The following TANGO6 variants were observed in gnomAD, a reference collection of about 807,000 sequenced individuals.
TANGO6 encodes the protein transport and Golgi organization protein 6 homolog.
Under a neutral mutation model 114.2 loss-of-function variants are expected in TANGO6, and 90 were observed. That is an observed-to-expected ratio of 0.79 (90% confidence interval 0.66 to 0.94). The LOEUF (loss-of-function observed/expected upper bound fraction) is 0.94, where lower values mean the gene tolerates loss of function less well. TANGO6 is among the 40% of genes least tolerant of loss of function. TANGO6 has a pLI of 0.00. For synonymous variants in TANGO6, 477 were observed against 509.8 expected (o/e 0.94, Z 0.87); for missense variants, 1,274 against 1,315.3 (o/e 0.97, Z 0.49).
chr16:68,877,681 C>T (rs1407359678), intron 5 of TANGO6, among the ~76,000 whole-genome samples: 1 of 151,774 alleles, frequency 6.6e-6, no homozygotes, highest in Non-Finnish European at 1.5e-5. Context: ...GATCTCCGCT[C>T]ACTGCAAGCT....
chr16:69,082,837 G>A (rs955968812), intron 17 of TANGO6, among the ~76,000 whole-genome samples: 5 of 152,084 alleles, frequency 3.3e-5, no homozygotes, highest in Non-Finnish European at 7.4e-5. Flanking sequence ...GGAAAATGCT[G>A]GTAATCATTT....
intron 17 of TANGO6, among the ~76,000 whole-genome samples, chr16:69,069,804 C>G (rs1405343690): frequency 6.6e-6 from 1 of 152,080 alleles, no homozygotes; most frequent in Non-Finnish European, 1.5e-5. Context: ...ACAACTGTTA[C>G]AAGGAAAGGG....
chr16:68,982,630 C>CCTTTTTTTT (rs1963848277), intron 15 of TANGO6, among the ~76,000 whole-genome samples: 1 of 105,338 alleles, frequency 9.5e-6, no homozygotes, highest in African/African-American at 4.7e-5. Context: ...ATGCCCTGGC[C>CCTTTTTTTT]TTTTTTTTTT....
intron 4 of TANGO6, among the ~76,000 whole-genome samples, chr16:68,872,078 A>C (rs1432092038): frequency 6.6e-6 from 1 of 151,812 alleles, no homozygotes; most frequent in Non-Finnish European, 1.5e-5. Flanking sequence ...AAAAATACAA[A>C]AAATTAGTGG....
intron 14 of TANGO6, among the ~76,000 whole-genome samples, chr16:68,970,730 A>C (rs1470534373): frequency 1.3e-5 from 2 of 152,096 alleles, no homozygotes; most frequent in Non-Finnish European, 2.9e-5. Flanking sequence ...AATAGGTTTC[A>C]GAAAAGCTAG....
At chr16:68,867,978 C>CA (rs5817656) in intron 4 of TANGO6, 19,948 of 112,040 alleles carry the variant, frequency 0.18, 1,471 homozygotes, top group African/African-American at 0.21. Flanking sequence ...TCTGTTTCTA[C>CA]AAAAAAAAAA....
intron 17 of TANGO6, among the ~76,000 whole-genome samples, chr16:69,059,165 C>T (rs1317100877): frequency 6.6e-6 from 1 of 151,674 alleles, no homozygotes; most frequent in African/African-American, 2.4e-5. Flanking sequence ...ACCTCTGCCT[C>T]CCGGGTTCAA....
chr16:68,868,848 T>C (rs996428166), intron 4 of TANGO6, among the ~76,000 whole-genome samples: 3 of 152,166 alleles, frequency 2.0e-5, no homozygotes, highest in African/African-American at 4.8e-5. Flanking sequence ...GTTTCAGGCA[T>C]CATGTATCTA....
At chr16:69,006,125 C>A (rs1168239442) in intron 15 of TANGO6, among the ~76,000 whole-genome samples, 1 of 152,110 alleles carries the variant, frequency 6.6e-6, no homozygotes, top group East Asian at 1.9e-4. Context: ...AGTGGGAAAG[C>A]CCTGGGTTCT....
chr16:69,021,596 C>A (rs1959407232), intron 15 of TANGO6, among the ~76,000 whole-genome samples: 1 of 152,176 alleles, frequency 6.6e-6, no homozygotes. Flanking sequence ...TGGAACAATG[C>A]TTAGCACATA....
In TANGO6 at chr16:68,930,244, T is replaced by C. The variant is rs766404408; in HGVS notation, c.2650T>C (p.Leu884=). 1.9e-6 allele frequency: 3 copies of C among 1,553,502 alleles called. No homozygotes were observed. Among genetic ancestry groups the C allele is most frequent in the Non-Finnish European group, 2.6e-6 (3 of 1,147,468 alleles). The change falls in exon 14 of 18, where the codon TTG becomes CTG. Residue 884 remains leucine (L), a synonymous_variant. Transcript: ENST00000261778. The stretch of plus-strand genomic sequence containing the variant: ...CTGTATTTTGTGGTTCCAGATATTC[T>C]TGGAAAACTTGGAACATGAAGACAC... ...EMQEKLLKIF[L]ENLEHEDTFV...
Position 69,083,735 on chromosome 16 carries a change from G to C in TANGO6, c.*74G>C. On this transcript the variant is annotated 3_prime_UTR_variant, in exon 18 of 18. Transcript: ENST00000261778. ...GCCGTGCCCAGGTCTTCCAGCAGGT[G>C]GCCCTGCTGCCTCTTGAGTGCTGGC... is the stretch of plus-strand genomic sequence containing the variant. 1 of 1,471,368 alleles carries C rather than the reference G, an allele frequency of 6.8e-7. No homozygotes were observed. Among genetic ancestry groups the C allele is most frequent in the East Asian group, 2.5e-5 (1 of 40,454 alleles). The allele number at this position is 1,471,368 out of a possible 1,614,324, so 91.1% of individuals were successfully genotyped here.
chr16:69,022,695 C>A, intron 15 of TANGO6, 133 bp from the exon 16 acceptor site: 1 of 978,060 alleles, frequency 1.0e-6, no homozygotes, highest in Non-Finnish European at 1.5e-6. Flanking sequence ...TACAGCAAGA[C>A]CCTGTCTCAA....
chr16:69,011,200 A>G (rs984545748), intron 15 of TANGO6, among the ~76,000 whole-genome samples: 1 of 152,120 alleles, frequency 6.6e-6, no homozygotes, highest in African/African-American at 2.4e-5. Context: ...AAATGAAGAG[A>G]GCAGTTAGGA....
At chr16:68,856,007 T>C (rs1849410345) in intron 1 of TANGO6, among the ~76,000 whole-genome samples, 1 of 152,242 alleles carries the variant, frequency 6.6e-6, no homozygotes, top group Admixed American at 6.5e-5. Context: ...AATTAATTTA[T>C]TAGTTCTAGT....
chr16:69,013,854 C>T (rs762067200), intron 15 of TANGO6, among the ~76,000 whole-genome samples: 8 of 152,008 alleles, frequency 5.3e-5, no homozygotes, highest in African/African-American at 1.2e-4. Flanking sequence ...GACAGAGTTT[C>T]GCTGTGTTGG....
intron 17 of TANGO6, among the ~76,000 whole-genome samples, chr16:69,051,946 CTTTTTTTT>C (rs35401100): frequency 7.4e-6 from 1 of 135,336 alleles, no homozygotes; most frequent in Non-Finnish European, 1.6e-5. Context: ...CTTTCTTTTT[CTTTTTTTT>C]TTTTTTTTAG....
chr16:68,947,742 C>G (rs1316760669), intron 14 of TANGO6, among the ~76,000 whole-genome samples: 1 of 151,976 alleles, frequency 6.6e-6, no homozygotes, highest in Non-Finnish European at 1.5e-5. Flanking sequence ...CAGGCACACA[C>G]CAACATGCCC....
intron 14 of TANGO6, among the ~76,000 whole-genome samples, chr16:68,950,535 A>G (rs1180554155): frequency 2.0e-5 from 3 of 151,448 alleles, no homozygotes; most frequent in African/African-American, 7.3e-5. Context: ...ACTGTATTCC[A>G]GCCTGGGCGA....
Sources: allele counts gnomAD v4.1 joint callset (sites outside exome capture counted in the v4.1 genomes callset), GRCh38; gene constraint gnomAD v4.1.1; transcripts MANE v1.5; gene names NCBI Gene and HGNC (gene_info 2026-07-23, HGNC 2026-07-21).